TIMP4: variants seen among roughly 807,000 people sequenced by gnomAD.
TIMP4 encodes metalloproteinase inhibitor 4.
In TIMP4, 28 loss-of-function variants were observed where a neutral mutation model predicts 27.3. The observed-to-expected ratio is 1.03, with a 90% CI of 0.76 to 1.41. TIMP4 has a LOEUF of 1.41. TIMP4 is among the 40% of genes most tolerant of loss of function. The probability of loss-of-function intolerance (pLI) is 0.00; values close to 1 mark genes in which losing one functional copy is unlikely to be tolerated. For synonymous variants in TIMP4, 138 were observed against 115.5 expected, an observed-to-expected ratio of 1.20 and a Z score of -1.25; for missense variants, 307 against 285.5, an observed-to-expected ratio of 1.08 and a Z score of -0.54.
chr3:12,153,292 C>A lies in TIMP4; in HGVS notation c.*223G>T. 3.4e-6 allele frequency: 2 copies of A among 588,632 alleles called. No homozygotes were observed. Among genetic ancestry groups the A allele is most frequent in the Non-Finnish European group, 6.1e-6 (2 of 329,202 alleles). The allele number at this position is 588,632 out of a possible 1,614,324, so 36.5% of individuals were successfully genotyped here. A position where few individuals can be genotyped will look rare whatever the true frequency, so the allele number is the denominator to read the frequency against. ...GAAGAAACACTTGCAGTAACAGCTA[C>A]AAGGCTAGACTAATGGGGTTTGGGA... On this transcript the variant is annotated 3_prime_UTR_variant, in exon 5 of 5. Coordinates refer to ENST00000287814, the MANE Select transcript of TIMP4 (RefSeq NM_003256.4).
At chr3:12,156,520 A>G (rs1480503229) in intron 3 of TIMP4, among the ~76,000 whole-genome samples, 2 of 152,224 alleles carry the variant, frequency 1.3e-5, no homozygotes, top group African/African-American at 4.8e-5. Flanking sequence ...CAAAAATCTT[A>G]TACTAATTTA....
chr3:12,153,695 T>G lies in TIMP4; in HGVS notation c.495A>C (p.Thr165=), dbSNP rs752721351. ...NCGCQITTCY[T]VPCTISAPNE... ...TAGGGGCCGAGATGGTACAGGGTACTGTGTAGCAGGTGGTGATCTAGAGTC... is the reference window on the plus strand; with the variant it reads ...TAGGGGCCGAGATGGTACAGGGTACGGTGTAGCAGGTGGTGATCTAGAGTC... Residue 165 remains threonine (T), a synonymous_variant, in exon 5 of 5, where the codon ACA becomes ACC. Transcript: ENST00000287814. 10 of 1,614,116 alleles carry G rather than the reference T, an allele frequency of 6.2e-6. No individual in the cohort carries two copies. In the African/African-American group the frequency reaches 1.3e-4, roughly 22 times the overall value.
chr3:12,156,123 G>A (rs781599163), intron 3 of TIMP4, among the ~76,000 whole-genome samples: 17 of 152,178 alleles, frequency 1.1e-4, no homozygotes, highest in Non-Finnish European at 1.8e-4. Context: ...TGAATGTGTG[G>A]ATAGATCGTG....
At chr3:12,157,761 C>T (rs530912607) in intron 1 of TIMP4, among the ~76,000 whole-genome samples, 14 of 152,258 alleles carry the variant, frequency 9.2e-5, no homozygotes, top group East Asian at 5.8e-4. Context: ...TCTCCATAGC[C>T]GTTTGTGCAG....
Position 12,153,491 on chromosome 3 carries a change from G to A in TIMP4, c.*24C>T. ...GGCTTGATCTTCAGGACTCTTGAAGGGATGTGATGGTCACTGGTCCCTACT... is the reference window on the plus strand; with the variant it reads ...GGCTTGATCTTCAGGACTCTTGAAGAGATGTGATGGTCACTGGTCCCTACT... On this transcript the variant is annotated 3_prime_UTR_variant, in exon 5 of 5. Coordinates refer to ENST00000287814, the MANE Select transcript of TIMP4 (RefSeq NM_003256.4). The A allele has an allele frequency of 6.2e-7, 1 of 1,612,036 alleles. No individual in the cohort carries two copies. The highest frequency in any genetic ancestry group is 1.1e-5 in the South Asian group (1 of 90,972).
chr3:12,156,193 C>T (rs546223531), intron 3 of TIMP4, among the ~76,000 whole-genome samples: 20 of 152,186 alleles, frequency 1.3e-4, no homozygotes, highest in African/African-American at 1.9e-4. Context: ...TGCTTTCTTT[C>T]TAAATATTGT....
At chr3:12,154,508 G>A (rs556465752) in intron 3 of TIMP4, 57 bp from the exon 4 acceptor site, 1 of 1,600,096 alleles carries the variant, frequency 6.2e-7, no homozygotes, top group African/African-American at 1.3e-5. Context: ...GGAGCCCCAG[G>A]GGCCCAGGTC....
At chr3:12,153,864 C>A in intron 4 of TIMP4, 152 bp from the exon 5 acceptor site, 1 of 866,282 alleles carries the variant, frequency 1.2e-6, no homozygotes, top group Non-Finnish European at 1.8e-6. Context: ...CTGGATTCTC[C>A]TTCCCCAAGG....
rs779871957 is a variant in TIMP4 at position 12,157,616 on chromosome 3, GT to G, written c.140-135del. On this transcript the variant is annotated intron_variant, in intron 1 of 4. Coordinates refer to ENST00000287814, the MANE Select transcript of TIMP4 (RefSeq NM_003256.4). ...TTGGTGTGGCTGGGTTGTGAGCAACGTGATGTGTGAGAAGGGGGACCTGGAA... is the reference window on the plus strand; with the variant it reads ...TTGGTGTGGCTGGGTTGTGAGCAACGGATGTGTGAGAAGGGGGACCTGGAA... 480 of 756,432 alleles carry G rather than the reference GT, an allele frequency of 6.3e-4. 3 individuals carry two copies. The highest frequency in any genetic ancestry group is 3.7e-4 in the Non-Finnish European group (169 of 451,514). 46.9% of individuals were successfully genotyped at this position (756,432 alleles called of 1,614,324 possible). A position where few individuals can be genotyped will look rare whatever the true frequency, so the allele number is the denominator to read the frequency against.
At chr3:12,157,569 G>T in intron 1 of TIMP4, 87 bp from the exon 2 acceptor site, 1 of 1,323,710 alleles carries the variant, frequency 7.6e-7, no homozygotes, top group Non-Finnish European at 1.1e-6. Context: ...CCATGAAGAA[G>T]TCTATAGGGC....
intron 3 of TIMP4, 87 bp from the exon 4 acceptor site, chr3:12,154,538 C>T: frequency 6.7e-7 from 1 of 1,500,110 alleles, no homozygotes; most frequent in South Asian, 1.3e-5. Flanking sequence ...CCCAGAATTG[C>T]AGCCTCCCCA....
rs1429747033 is a variant in TIMP4, at chr3:12,153,339, G to A, written c.*176C>T. 7 of 694,792 alleles carry A rather than the reference G, an allele frequency of 1.0e-5. No homozygotes were observed. The highest frequency in any genetic ancestry group is 4.0e-4 in the Middle Eastern group (1 of 2,470). The allele number at this position is 694,792 out of a possible 1,614,324, so 43.0% of individuals were successfully genotyped here. On this transcript the variant is annotated 3_prime_UTR_variant, in exon 5 of 5. Coordinates refer to ENST00000287814, the MANE Select transcript of TIMP4 (RefSeq NM_003256.4). The stretch of plus-strand genomic sequence containing the variant: ...GGGAGGCAGGGGCAACAGGCTGAGG[G>A]CAGGGCAGAAAAGTCATGGCCCCTT...
chr3:12,156,780 A>G, intron 3 of TIMP4, 40 bp downstream of exon 3: 17 of 1,446,030 alleles, frequency 1.2e-5, no homozygotes, highest in Non-Finnish European at 1.7e-5. Context: ...CTAGGGCAGA[A>G]TCTATTATAT....
intron 4 of TIMP4, among the ~76,000 whole-genome samples, chr3:12,153,990 C>T (rs1353480582): frequency 6.6e-6 from 1 of 152,170 alleles, no homozygotes; most frequent in African/African-American, 2.4e-5. Context: ...ATTTCTTCAC[C>T]TTAAAATGGA....
chr3:12,153,446 C>T lies in TIMP4; in HGVS notation c.*69G>A. 4 of 1,575,976 alleles carry T rather than the reference C, an allele frequency of 2.5e-6. No individual in the cohort carries two copies. The highest frequency in any genetic ancestry group is 2.2e-5 in the South Asian group (2 of 89,824). ...AGAGGTCAGGTGGTAATGGCCAAAGCTCTGCAGGGAAGGAGAACTGGCTTG... is the reference window on the plus strand; with the variant it reads ...AGAGGTCAGGTGGTAATGGCCAAAGTTCTGCAGGGAAGGAGAACTGGCTTG... On this transcript the variant is annotated 3_prime_UTR_variant, in exon 5 of 5. Coordinates refer to ENST00000287814, the MANE Select transcript of TIMP4 (RefSeq NM_003256.4).
intron 1 of TIMP4, 84 bp from the exon 2 acceptor site, chr3:12,157,566 G>A: frequency 7.5e-7 from 1 of 1,339,262 alleles, no homozygotes; most frequent in Non-Finnish European, 1.1e-6. Context: ...GGTCCATGAA[G>A]AAGTCTATAG....
chr3:12,156,870 A>T lies in TIMP4; in HGVS notation c.302T>A (p.Leu101His). The T allele has an allele frequency of 1.2e-6, 2 of 1,614,220 alleles. No homozygotes were observed. The highest frequency in any genetic ancestry group is 1.7e-6 in the Non-Finnish European group (2 of 1,180,046). ...QYIYTPFDSSLCGVKLEANSQ... is the reference protein window; with the variant it reads ...QYIYTPFDSSHCGVKLEANSQ... The stretch of plus-strand genomic sequence containing the variant: ...GTTGGCTTCTAGTTTCACACCACAG[A>T]GGGAAGAGTCAAAAGGCGTATAGAT... The change falls in exon 3 of 5, where the codon CTC becomes CAC. Residue 101 changes from leucine (L) to histidine (H), a missense_variant. Physicochemically the swap from Leu to His is moderately conservative, Grantham distance 99. Coordinates refer to ENST00000287814, the MANE Select transcript of TIMP4 (RefSeq NM_003256.4).
chr3:12,158,849 A>G lies in TIMP4; in HGVS notation c.-9T>C. On this transcript the variant is annotated 5_prime_UTR_variant, in exon 1 of 5. Coordinates refer to ENST00000287814, the MANE Select transcript of TIMP4 (RefSeq NM_003256.4). ...CGAGGGCTCCCAGGCATGACACTGC[A>G]GATCCGCGACTGAGCCTGTGAGGTC... is the stretch of plus-strand genomic sequence containing the variant. 6.4e-7 allele frequency: 1 copy of G among 1,565,110 alleles called. No individual in the cohort carries two copies.
At chr3:12,154,717 TTTAAAG>T (rs1369897443) in intron 3 of TIMP4, among the ~76,000 whole-genome samples, 1 of 152,248 alleles carries the variant, frequency 6.6e-6, no homozygotes, top group African/African-American at 2.4e-5. Context: ...GAATGTGGTC[TTTAAAG>T]TCAAAGTCTG....
Sources: allele counts gnomAD v4.1 joint callset (sites outside exome capture counted in the v4.1 genomes callset), GRCh38; gene constraint gnomAD v4.1.1; transcripts MANE v1.5; gene names NCBI Gene and HGNC (gene_info 2026-07-23, HGNC 2026-07-21).